The following SYNPO2 variants were observed in gnomAD, a reference collection of about 807,000 sequenced individuals.
SYNPO2 encodes the protein synaptopodin-2.
Under a neutral mutation model 85.0 loss-of-function variants are expected in SYNPO2, and 56 were observed. That is an observed-to-expected ratio of 0.66 (90% CI 0.53 to 0.82). The LOEUF (loss-of-function observed/expected upper bound fraction) is 0.82, where lower values mean the gene tolerates loss of function less well. SYNPO2 is among the 40% of genes least tolerant of loss of function. SYNPO2 has a pLI of 0.00. For synonymous variants in SYNPO2, 602 were observed against 591.1 expected (o/e 1.02, Z -0.27); for missense variants, 1,575 against 1,534.2 (o/e 1.03, Z -0.44).
At chr4:118,884,544 G>A (rs975802812), upstream of SYNPO2, among the ~76,000 whole-genome samples, 1 of 152,202 alleles carries the variant, frequency 6.6e-6, no homozygotes, top group South Asian at 2.1e-4. Flanking sequence ...CACTGCTGGG[G>A]TGGGAGGATC....
At chr4:118,923,888 CAAAAA>C (rs35102295) in intron 1 of SYNPO2, among the ~76,000 whole-genome samples, 3 of 128,836 alleles carry the variant, frequency 2.3e-5, no homozygotes, top group Admixed American at 7.7e-5. Flanking sequence ...AGACTGCACT[CAAAAA>C]AAAAAAAAAA....
At chr4:118,988,866 G>A (rs1162824205) in intron 1 of SYNPO2, among the ~76,000 whole-genome samples, 1 of 152,080 alleles carries the variant, frequency 6.6e-6, no homozygotes, top group African/African-American at 2.4e-5. Context: ...CAAAGTCATC[G>A]AATCGCTTCA....
chr4:118,950,597 G>C (rs1325864651), intron 1 of SYNPO2, among the ~76,000 whole-genome samples: 2 of 152,318 alleles, frequency 1.3e-5, no homozygotes, highest in South Asian at 4.1e-4. Flanking sequence ...TAGGACAGAG[G>C]AATATTGCTT....
At chr4:119,014,491 A>G (rs60051669) in intron 1 of SYNPO2, among the ~76,000 whole-genome samples, 20,226 of 152,198 alleles carry the variant, frequency 0.13, 1,702 homozygotes, top group Middle Eastern at 0.22. Flanking sequence ...CCTGTTTTAT[A>G]CAATACGGTT....
At chr4:118,859,239 CA>C (rs1318279836) in intron 1 of SYNPO2, among the ~76,000 whole-genome samples, 2 of 152,084 alleles carry the variant, frequency 1.3e-5, no homozygotes, top group Admixed American at 6.5e-5. Flanking sequence ...AAGCAAGTTA[CA>C]TTATTTTTAA....
At chr4:118,927,735 G>GATAGATAT (rs1560874089) in intron 1 of SYNPO2, among the ~76,000 whole-genome samples, 22 of 55,000 alleles carry the variant, frequency 4.0e-4, no homozygotes, top group African/African-American at 9.5e-4. Context: ...TAGATAGATA[G>GATAGATAT]ATAGATAGAT....
At chr4:118,961,269 T>A (rs150801676) in intron 1 of SYNPO2, among the ~76,000 whole-genome samples, 3 of 152,188 alleles carry the variant, frequency 2.0e-5, no homozygotes, top group African/African-American at 7.2e-5. Flanking sequence ...ATGTCACTAG[T>A]GCCGAGGATG....
intron 1 of SYNPO2, among the ~76,000 whole-genome samples, chr4:118,930,100 T>C (rs1026264360): frequency 6.6e-6 from 1 of 152,210 alleles, no homozygotes; most frequent in African/African-American, 2.4e-5. Flanking sequence ...ATAATATAGA[T>C]GTGCCATATA....
intron 1 of SYNPO2, among the ~76,000 whole-genome samples, chr4:118,914,831 A>G (rs1445828268): frequency 1.3e-5 from 2 of 152,242 alleles, no homozygotes; most frequent in East Asian, 3.9e-4. Flanking sequence ...GAATATTGGT[A>G]GGAGAGGGAG....
In SYNPO2 at chr4:119,057,415, C is replaced by T; in HGVS notation, c.3267C>T (p.Ser1089=). The T allele has an allele frequency of 6.3e-7, 1 of 1,587,912 alleles. No individual in the cohort carries two copies. Among genetic ancestry groups the T allele is most frequent in the South Asian group, 1.2e-5 (1 of 86,416 alleles). The change falls in exon 5 of 5, where the codon TCC becomes TCT. Residue 1089 remains serine (S), a synonymous_variant. Coordinates refer to ENST00000307142, the MANE Select transcript of SYNPO2 (RefSeq NM_133477.3). The part of the protein sequence containing the change: ...SGVTIQESGR[S]LSLPGRSVPP... ...ATTGTTTTTAGGAGAGTGGGCGCTC[C>T]CTTTCTCTTCCTGGAAGATCAGTCC...
At chr4:119,049,515 T>C (rs79401640) in intron 4 of SYNPO2, among the ~76,000 whole-genome samples, 12,336 of 152,252 alleles carry the variant, frequency 0.081, 672 homozygotes, top group Non-Finnish European at 0.11. Flanking sequence ...TGGTATAAAA[T>C]AGTTTAAACT....
intron 1 of SYNPO2, among the ~76,000 whole-genome samples, chr4:118,871,661 C>T (rs372551714): frequency 0.032 from 4,903 of 152,008 alleles, 132 homozygotes; most frequent in Non-Finnish European, 0.052. Flanking sequence ...CTCCGCCTTC[C>T]GGGTTCACGC....
chr4:118,943,189 A>C (rs1015364057), intron 1 of SYNPO2, among the ~76,000 whole-genome samples: 3 of 152,146 alleles, frequency 2.0e-5, no homozygotes, highest in Non-Finnish European at 4.4e-5. Flanking sequence ...ACCTAAAAAG[A>C]CCTCACACAA....
chr4:118,858,233 C>G (rs1463284496), intron 1 of SYNPO2, among the ~76,000 whole-genome samples: 1 of 151,590 alleles, frequency 6.6e-6, no homozygotes, highest in Non-Finnish European at 1.5e-5. Context: ...GTCTCTCCAC[C>G]TCCCCACTTC....
chr4:118,905,280 T>C (rs1377866016), intron 1 of SYNPO2, among the ~76,000 whole-genome samples: 1 of 152,202 alleles, frequency 6.6e-6, no homozygotes, highest in Admixed American at 6.5e-5. Flanking sequence ...GAAAATTCCT[T>C]CTTCTCTCTA....
intron 1 of SYNPO2, among the ~76,000 whole-genome samples, chr4:118,900,319 T>A (rs1017249756): frequency 2.0e-5 from 3 of 152,116 alleles, no homozygotes; most frequent in Admixed American, 2.0e-4. Context: ...AAGCCACTCG[T>A]CATCACAGAA....
At chr4:118,956,589 C>T (rs540347432) in intron 1 of SYNPO2, among the ~76,000 whole-genome samples, 24 of 152,252 alleles carry the variant, frequency 1.6e-4, no homozygotes, top group Admixed American at 3.9e-4. Context: ...CAATGCTTAT[C>T]GAGCAGTCAC....
intron 4 of SYNPO2, among the ~76,000 whole-genome samples, chr4:119,051,666 GA>G (rs1457622775): frequency 6.6e-6 from 1 of 152,074 alleles, no homozygotes; most frequent in African/African-American, 2.4e-5. Flanking sequence ...TTGATTTGTA[GA>G]AAAATATTTC....
chr4:118,929,118 A>G (rs1470542826), intron 1 of SYNPO2, among the ~76,000 whole-genome samples: 2 of 151,428 alleles, frequency 1.3e-5, no homozygotes, highest in Non-Finnish European at 2.9e-5. Flanking sequence ...ATAGAAAGAG[A>G]TAAAGGAAAA....
Sources: allele counts gnomAD v4.1 joint callset (sites outside exome capture counted in the v4.1 genomes callset), GRCh38; gene constraint gnomAD v4.1.1; transcripts MANE v1.5; gene names NCBI Gene and HGNC (gene_info 2026-07-23, HGNC 2026-07-21).